KIF14: variants seen among roughly 807,000 people sequenced by gnomAD.
The protein encoded by KIF14 is kinesin-like protein KIF14.
KIF14 carries 98 observed loss-of-function variants against 176.2 expected under a neutral mutation model. That is an observed-to-expected ratio of 0.56 (90% CI 0.47 to 0.66). The LOEUF (loss-of-function observed/expected upper bound fraction) is 0.66. KIF14 is among the 30% of genes least tolerant of loss of function. KIF14 has a pLI of 0.00. For missense variants in KIF14, 1,751 were observed against 1,920.4 expected (o/e 0.91, Z 1.65); for synonymous variants, 566 against 632.2 (o/e 0.90, Z 1.57).
chr1:200,553,666 C>A lies in KIF14; in HGVS notation c.4669G>T (p.Gly1557Cys), dbSNP rs774793052. Residue 1557 changes from glycine (G) to cysteine (C), a missense_variant, in exon 30 of 30, where the codon GGC becomes TGC. Transcript: ENST00000367350. ...TGAGTTACTCTACTCTCATAGCTGC[C>A]AACAGAAGTAGAAGGCACACTGAAG... ...SDFSVPSTSV[G>C]SYESRVTHIV... The A allele has an allele frequency of 1.2e-6, 2 of 1,613,922 alleles. No homozygotes were observed. The highest frequency in any genetic ancestry group is 1.7e-6 in the Non-Finnish European group (2 of 1,179,964).
At chr1:200,565,330 A>G (rs1057277836) in intron 24 of KIF14, 77 bp from the exon 25 acceptor site, 27 of 1,447,828 alleles carry the variant, frequency 1.9e-5, no homozygotes, top group Non-Finnish European at 2.4e-5. Flanking sequence ...TCATTAAAAC[A>G]TTTAACACAG....
chr1:200,581,760 CCTTTTTTT>C (rs1237234327), intron 19 of KIF14, among the ~76,000 whole-genome samples: 1 of 102,406 alleles, frequency 9.8e-6, no homozygotes, highest in Non-Finnish European at 1.9e-5. Context: ...ATTTCACTTT[CCTTTTTTT>C]TTTTTTTTTT....
chr1:200,590,557 G>A (rs1248392588), intron 16 of KIF14, among the ~76,000 whole-genome samples: 1 of 152,038 alleles, frequency 6.6e-6, no homozygotes, highest in Non-Finnish European at 1.5e-5. Flanking sequence ...ACATTATACA[G>A]AAATTTCCAT....
intron 5 of KIF14, among the ~76,000 whole-genome samples, chr1:200,607,120 T>C (rs1659921193): frequency 7.1e-6 from 1 of 141,574 alleles, no homozygotes; most frequent in African/African-American, 2.7e-5. Flanking sequence ...TAGCATCAGA[T>C]GTCTTACTAG....
chr1:200,605,264 G>A lies in KIF14; in HGVS notation c.1746+19C>T. ...CAGGGTGAAAACTGAAAGAGATCGG[G>A]AACTTTTAAAAAAAATACCTTGGTC... On this transcript the variant is annotated intron_variant, in intron 8 of 29. Transcript: ENST00000367350. 6.3e-7 allele frequency: 1 copy of A among 1,584,944 alleles called. No homozygotes were observed. Among genetic ancestry groups the A allele is most frequent in the Non-Finnish European group, 8.6e-7 (1 of 1,156,238 alleles).
At chr1:200,597,980 A>C (rs1262513083) in intron 14 of KIF14, among the ~76,000 whole-genome samples, 1 of 152,188 alleles carries the variant, frequency 6.6e-6, no homozygotes, top group African/African-American at 2.4e-5. Context: ...ATTGCAAGAA[A>C]ATAAATTATT....
chr1:200,599,056 T>C (rs1258228088), intron 13 of KIF14, among the ~76,000 whole-genome samples: 1 of 152,184 alleles, frequency 6.6e-6, no homozygotes, highest in Admixed American at 6.5e-5. Context: ...CACAGGCCCC[T>C]GTCAACTCAC....
chr1:200,610,556 C>T (rs2102762832), intron 4 of KIF14, among the ~76,000 whole-genome samples: 1 of 151,444 alleles, frequency 6.6e-6, no homozygotes, highest in Non-Finnish European at 1.5e-5. Flanking sequence ...AACAAAAGTC[C>T]TTGCATTTCT....
chr1:200,616,974 C>T (rs766117619), intron 2 of KIF14, among the ~76,000 whole-genome samples: 1 of 151,862 alleles, frequency 6.6e-6, no homozygotes, highest in Non-Finnish European at 1.5e-5. Flanking sequence ...TTTGTTATGG[C>T]TCTTCTTTTT....
chr1:200,565,047 G>A (rs1180099838), intron 25 of KIF14, 22 bp downstream of exon 25: 2 of 1,565,712 alleles, frequency 1.3e-6, no homozygotes, highest in South Asian at 2.3e-5. Flanking sequence ...TCCTTCAAAT[G>A]ATAATAAGCA....
At chr1:200,579,720 CAT>C (rs770139022) in intron 21 of KIF14, among the ~76,000 whole-genome samples, 1 of 151,988 alleles carries the variant, frequency 6.6e-6, no homozygotes, top group Non-Finnish European at 1.5e-5. Flanking sequence ...ATAAAAAGCT[CAT>C]ATGTTTAGTT....
chr1:200,590,061 T>C (rs946586386), intron 17 of KIF14, 64 bp downstream of exon 17: 10 of 1,505,136 alleles, frequency 6.6e-6, no homozygotes, highest in South Asian at 2.5e-5. Context: ...ATCAACTTTA[T>C]AGGCAACACA....
At position 200,604,053 on chromosome 1, in the gene KIF14, T is replaced by C. The variant is rs968394026; in HGVS notation, c.1747-98A>G. 7 of 721,028 alleles carry C rather than the reference T, an allele frequency of 9.7e-6. No individual in the cohort carries two copies. In the African/African-American group the frequency reaches 1.1e-4, roughly 11 times the overall value. 44.7% of individuals were successfully genotyped at this position (721,028 alleles called of 1,614,324 possible). A position where few individuals can be genotyped will look rare whatever the true frequency, so the allele number is the denominator to read the frequency against. The stretch of plus-strand genomic sequence containing the variant: ...GCTGTAAAAGATTACACATCACTCT[T>C]TTATTTTTTAAATAGTCTCTTCTTT... On this transcript the variant is annotated intron_variant, in intron 8 of 29. Transcript: ENST00000367350.
chr1:200,564,260 CAAAAAAAAA>C (rs57025286), intron 25 of KIF14, among the ~76,000 whole-genome samples: 1 of 66,328 alleles, frequency 1.5e-5, no homozygotes, highest in East Asian at 3.9e-4. Flanking sequence ...GACTCCAGCT[CAAAAAAAAA>C]AAAAAAAAAA....
Position 200,565,583 on chromosome 1 carries a change from A to C in KIF14, c.3748T>G (p.Leu1250Val). 2 of 1,612,476 alleles carry C rather than the reference A, an allele frequency of 1.2e-6. No individual in the cohort carries two copies. Among genetic ancestry groups the C allele is most frequent in the Non-Finnish European group, 1.7e-6 (2 of 1,179,738 alleles). Reference sequence around the variant, plus strand: ...TCATAACTCTGTCCAAAAAAATCTAACGAAGAACCAATCAATTCTTTGCAA... The same window carrying C: ...TCATAACTCTGTCCAAAAAAATCTACCGAAGAACCAATCAATTCTTTGCAA... ...GICKELIGSS[L>V]DFFGQSYDEE... The change falls in exon 24 of 30, where the codon TTA (leucine) becomes GTA (valine). Residue 1250 changes from leucine to valine, a missense_variant. By Grantham distance (32) the Leu-to-Val change is conservative (BLOSUM62 1). Transcript: ENST00000367350.
In KIF14 at chr1:200,612,508, C is replaced by T. The variant is rs570664531; in HGVS notation, c.1455+1810G>A. 5.8e-4 allele frequency among the ~76,000 whole-genome samples: 89 copies of T among 152,290 alleles called. 1 individual carries two copies. The highest frequency in any genetic ancestry group is 1.0e-3 in the Non-Finnish European group (70 of 68,026). ...AGAACTCTGCCCCACAAGCCCACAG[C>T]TTTCTCTTATGCCCACTAAACTTGG... On this transcript the variant is annotated intron_variant, in intron 4 of 29. Coordinates refer to ENST00000367350, the MANE Select transcript of KIF14 (RefSeq NM_014875.3).
rs368717102 is a variant in KIF14, at chr1:200,581,115, GAAAAA to G, written c.3335+81_3335+85del. The G allele has an allele frequency of 2.3e-4, 68 of 291,238 alleles. 1 individual carries two copies. The highest frequency in any genetic ancestry group is 5.7e-4 in the East Asian group (9 of 15,796). 18.0% of individuals were successfully genotyped at this position (291,238 alleles called of 1,614,324 possible). ...GGCAACAGAGCAAGACTCTGTCTCA[GAAAAA>G]AAAAAAAAAAAAAGAGAAACTAAAT... On this transcript the variant is annotated intron_variant, in intron 20 of 29. Coordinates refer to ENST00000367350, the MANE Select transcript of KIF14 (RefSeq NM_014875.3).
chr1:200,609,555 AG>A (rs1359179167), intron 4 of KIF14, among the ~76,000 whole-genome samples: 14 of 152,356 alleles, frequency 9.2e-5, no homozygotes, highest in African/African-American at 3.4e-4. Flanking sequence ...AGGCTGAGGC[AG>A]GAGAATCGCT....
intron 16 of KIF14, 57 bp from the exon 17 acceptor site, chr1:200,590,329 A>G (rs1168523146): frequency 7.0e-7 from 1 of 1,433,166 alleles, no homozygotes; most frequent in Non-Finnish European, 9.5e-7. Flanking sequence ...ATACATCATA[A>G]TAGTTCTTAA....
Sources: gnomAD v4.1 joint callset for allele counts (sites outside exome capture counted in the v4.1 genomes callset) on GRCh38, gnomAD v4.1.1 for gene constraint, MANE v1.5 for transcripts, NCBI Gene and HGNC (gene_info 2026-07-23, HGNC 2026-07-21) for gene names.